The following ARHGEF26 variants were observed in gnomAD, a reference collection of about 807,000 sequenced individuals.
ARHGEF26 encodes the protein Rho guanine nucleotide exchange factor (GEF) 26.
ARHGEF26 carries 59 observed loss-of-function variants against 89.4 expected under a neutral mutation model. That is an observed-to-expected ratio of 0.66 (90% CI 0.54 to 0.82). The LOEUF is 0.82. Ranked by LOEUF, ARHGEF26 falls within the 40% of genes least tolerant of loss-of-function variation. The pLI, the probability that ARHGEF26 is intolerant of heterozygous loss-of-function variation, is 0.00. For synonymous variants in ARHGEF26, 500 were observed against 428.4 expected (o/e 1.17, Z -2.06); for missense variants, 1,234 against 1,085.6 (o/e 1.14, Z -1.92).
chr3:154,123,019 G>A lies in ARHGEF26; in HGVS notation c.1027G>A (p.Val343Ile), dbSNP rs555699610. ...SKKKNRMSQP[V>I]LKVVMEDKEK... Reference sequence around the variant, plus strand: ...GAAGAAGAACAGAATGTCCCAGCCTGTTCTGAAAGTGGTGATGGAAGACAA... The same window carrying A: ...GAAGAAGAACAGAATGTCCCAGCCTATTCTGAAAGTGGTGATGGAAGACAA... Residue 343 changes from valine (V) to isoleucine (I), a missense_variant, in exon 2 of 15, where the codon GTT becomes ATT. Transcript: ENST00000465093. The A allele has an allele frequency of 1.2e-6, 2 of 1,613,956 alleles. No homozygotes were observed. The highest frequency in any genetic ancestry group is 2.2e-5 in the East Asian group (1 of 44,870).
intron 4 of ARHGEF26, among the ~76,000 whole-genome samples, chr3:154,130,805 G>T (rs1329006113): frequency 6.6e-6 from 1 of 152,194 alleles, no homozygotes; most frequent in East Asian, 1.9e-4. Context: ...GGCAATATCA[G>T]AGCAGAGGTG....
chr3:154,169,362 A>G (rs999611791), intron 6 of ARHGEF26, among the ~76,000 whole-genome samples: 12 of 152,222 alleles, frequency 7.9e-5, no homozygotes, highest in African/African-American at 2.6e-4. Context: ...CAGTCATGCA[A>G]GCAGAGCAGC....
intron 6 of ARHGEF26, among the ~76,000 whole-genome samples, chr3:154,179,051 A>G (rs1713016348): frequency 6.6e-6 from 1 of 152,160 alleles, no homozygotes; most frequent in Non-Finnish European, 1.5e-5. Flanking sequence ...AGTAATTTCC[A>G]AGTTCTTGCG....
intron 12 of ARHGEF26, among the ~76,000 whole-genome samples, chr3:154,250,752 C>T (rs145511259): frequency 1.3e-5 from 2 of 152,290 alleles, no homozygotes; most frequent in East Asian, 3.9e-4. Context: ...TTAGATTTCT[C>T]TTGGTGAGCA....
chr3:154,255,567 C>T lies in ARHGEF26; in HGVS notation c.*94C>T, dbSNP rs957491693. 1.8e-5 allele frequency: 27 copies of T among 1,493,380 alleles called. No homozygotes were observed. The highest frequency in any genetic ancestry group is 2.3e-5 in the Non-Finnish European group (26 of 1,124,924). The allele number at this position is 1,493,380 out of a possible 1,614,324, so 92.5% of individuals were successfully genotyped here. A position where few individuals can be genotyped will look rare whatever the true frequency, so the allele number is the denominator to read the frequency against. ...GTTTTATTGTTAATTTTGTCACAGC[C>T]TATTTAATTAAAAGAACGAAAACAC... On this transcript the variant is annotated 3_prime_UTR_variant, in exon 15 of 15. Transcript: ENST00000465093.
intron 12 of ARHGEF26, among the ~76,000 whole-genome samples, chr3:154,243,648 TATTTA>T (rs1256004261): frequency 2.0e-5 from 3 of 152,186 alleles, no homozygotes; most frequent in Non-Finnish European, 4.4e-5. Flanking sequence ...TATTTGTAGT[TATTTA>T]ATTAATAGCA....
chr3:154,192,288 T>C (rs1714000949), intron 8 of ARHGEF26, among the ~76,000 whole-genome samples: 1 of 152,220 alleles, frequency 6.6e-6, no homozygotes, highest in Non-Finnish European at 1.5e-5. Context: ...CAAAGTAAAA[T>C]ATATATTAAA....
intron 11 of ARHGEF26, among the ~76,000 whole-genome samples, chr3:154,238,592 AAGG>A (rs1717264665): frequency 6.6e-6 from 1 of 152,204 alleles, no homozygotes; most frequent in African/African-American, 2.4e-5. Flanking sequence ...GACTAGGCAC[AAGG>A]AGTTTTCTTT....
intron 10 of ARHGEF26, among the ~76,000 whole-genome samples, chr3:154,220,428 C>G (rs773879773): frequency 6.6e-6 from 1 of 152,112 alleles, no homozygotes; most frequent in African/African-American, 2.4e-5. Flanking sequence ...ACAGAGAGGG[C>G]TGGGGGACTT....
In ARHGEF26 at chr3:154,122,104, C is replaced by A. The variant is rs1717972942; in HGVS notation, c.112C>A (p.Gln38Lys). Reference protein sequence around the residue: ...QVLGRSKPRPQSYQSPNGLLI... With the variant: ...QVLGRSKPRPKSYQSPNGLLI... ...TCTGGGCCGGAGCAAGCCGAGGCCC[C>A]AGTCCTACCAGAGCCCCAACGGGTT... is the stretch of plus-strand genomic sequence containing the variant. Residue 38 changes from glutamine (Q) to lysine (K), a missense_variant, in exon 2 of 15, where the codon CAG (glutamine) becomes AAG (lysine). By Grantham distance (53) the Gln-to-Lys change is moderately conservative. Coordinates refer to ENST00000465093, the MANE Select transcript of ARHGEF26 (RefSeq NM_015595.4). The A allele has an allele frequency of 1.2e-6, 2 of 1,610,530 alleles. No individual in the cohort carries two copies. The highest frequency in any genetic ancestry group is 2.7e-5 in the African/African-American group (2 of 74,948).
intron 6 of ARHGEF26, among the ~76,000 whole-genome samples, chr3:154,161,381 A>G (rs1469283434): frequency 6.6e-6 from 1 of 152,110 alleles, no homozygotes; most frequent in African/African-American, 2.4e-5. Flanking sequence ...TTTCTTTCTC[A>G]TTTAATAAGG....
intron 14 of ARHGEF26, 124 bp from the exon 15 acceptor site, chr3:154,255,207 C>T: frequency 1.9e-6 from 2 of 1,029,342 alleles, no homozygotes; most frequent in Non-Finnish European, 1.4e-6. Flanking sequence ...CCCTGTCCCA[C>T]TTTCTCTTCT....
chr3:154,202,928 A>G (rs961214486), intron 9 of ARHGEF26, among the ~76,000 whole-genome samples: 17 of 152,086 alleles, frequency 1.1e-4, no homozygotes, highest in African/African-American at 4.1e-4. Context: ...TAGATATACA[A>G]TCATGTCATC....
At chr3:154,218,180 T>C (rs1715901172) in intron 10 of ARHGEF26, among the ~76,000 whole-genome samples, 1 of 152,112 alleles carries the variant, frequency 6.6e-6, no homozygotes, top group Non-Finnish European at 1.5e-5. Context: ...AGAAGCACTT[T>C]TTTTTTTCCA....
Position 154,253,109 on chromosome 3 carries a change from G to GC in ARHGEF26, c.2301-7_2301-6insC. 1 of 1,613,982 alleles carries GC rather than the reference G, an allele frequency of 6.2e-7. No homozygotes were observed. Among genetic ancestry groups the GC allele is most frequent in the Non-Finnish European group, 8.5e-7 (1 of 1,179,876 alleles). On this transcript the variant is annotated splice_region_variant and splice_polypyrimidine_tract_variant and intron_variant, in intron 12 of 14. Coordinates refer to ENST00000465093, the MANE Select transcript of ARHGEF26 (RefSeq NM_015595.4). ...AGTCTCTCAGTTGGATCTGCCCTCT[G>GC]TTTTAGGAGCGAGCGAGCCCGCTGG...
In ARHGEF26 at chr3:154,187,721, T is replaced by C. The variant is rs1249190910; in HGVS notation, c.1524T>C (p.Asn508=). ...FIELEARHQN[N]IFIDDISDIV... ...AGTTGGAAGCAAGACATCAGAATAA[T>C]ATCTTCATAGATGACATAAGTGACA... The change falls in exon 7 of 15, where the codon AAT becomes AAC. Residue 508 remains asparagine, a synonymous_variant. Transcript: ENST00000465093. The C allele has an allele frequency of 6.2e-7, 1 of 1,610,774 alleles. No homozygotes were observed. Among genetic ancestry groups the C allele is most frequent in the African/African-American group, 1.3e-5 (1 of 74,900 alleles).
rs117100745 is a variant in ARHGEF26, at chr3:154,175,411, C to T, written c.1488-12274C>T. 1.7e-4 allele frequency among the ~76,000 whole-genome samples: 26 copies of T among 150,136 alleles called. No individual in the cohort carries two copies. The East Asian group carries it at 2.5e-3, about 15-fold the overall frequency. On this transcript the variant is annotated intron_variant, in intron 6 of 14. Coordinates refer to ENST00000465093, the MANE Select transcript of ARHGEF26 (RefSeq NM_015595.4). ...GAAATGCTTCCCTCTTCTTTTTCTACGGTTAAATTTCAAGCTAGTGTTAAA... is the reference window on the plus strand; with the variant it reads ...GAAATGCTTCCCTCTTCTTTTTCTATGGTTAAATTTCAAGCTAGTGTTAAA...
At chr3:154,166,689 G>C (rs1288569341) in intron 6 of ARHGEF26, among the ~76,000 whole-genome samples, 1 of 152,088 alleles carries the variant, frequency 6.6e-6, no homozygotes, top group Non-Finnish European at 1.5e-5. Flanking sequence ...GTTTTTTCTT[G>C]TGAGCAGTGT....
intron 7 of ARHGEF26, among the ~76,000 whole-genome samples, chr3:154,191,066 CT>C (rs760913298): frequency 1.3e-5 from 2 of 152,106 alleles, no homozygotes; most frequent in African/African-American, 2.4e-5. Flanking sequence ...ATTGTTAATA[CT>C]GTTATGTGAA....
Sources: allele counts gnomAD v4.1 joint callset (sites outside exome capture counted in the v4.1 genomes callset), GRCh38; gene constraint gnomAD v4.1.1; transcripts MANE v1.5; gene names NCBI Gene and HGNC (gene_info 2026-07-23, HGNC 2026-07-21).